Variants in AKAP6 observed in about 807,000 individuals in gnomAD.
AKAP6 encodes A-kinase anchoring protein 6.
Under a neutral mutation model 188.5 loss-of-function variants are expected in AKAP6, and 58 were observed. That is an observed-to-expected ratio of 0.31 (90% confidence interval 0.25 to 0.38). The LOEUF (loss-of-function observed/expected upper bound fraction) is 0.38, where lower values mean the gene tolerates loss of function less well. Ranked by LOEUF, AKAP6 falls within the 10% of genes least tolerant of loss-of-function variation. The probability of loss-of-function intolerance (pLI) is 1.00; values close to 1 mark genes in which losing one functional copy is unlikely to be tolerated. For missense variants in AKAP6, 2,710 were observed against 2,740.0 expected (o/e 0.99, Z 0.24); for synonymous variants, 989 against 998.6 (o/e 0.99, Z 0.18).
At chr14:32,355,807 C>A (rs1466048702) in intron 1 of AKAP6, among the ~76,000 whole-genome samples, 1 of 151,202 alleles carries the variant, frequency 6.6e-6, no homozygotes, top group Non-Finnish European at 1.5e-5. Context: ...CAAGTTCTTG[C>A]TCTGTCACCT....
chr14:32,559,765 T>C (rs1356882596), intron 4 of AKAP6, among the ~76,000 whole-genome samples: 2 of 150,966 alleles, frequency 1.3e-5, no homozygotes, highest in African/African-American at 2.4e-5. Context: ...GGTTGGGAGG[T>C]AGTCCTCTAA....
intron 7 of AKAP6, among the ~76,000 whole-genome samples, chr14:32,624,855 A>C (rs1171340472): frequency 1.3e-5 from 2 of 152,034 alleles, no homozygotes; most frequent in Non-Finnish European, 2.9e-5. Flanking sequence ...AGTCCTAATA[A>C]TTTTTTTGAA....
intron 2 of AKAP6, among the ~76,000 whole-genome samples, chr14:32,497,120 T>TGGATAAGCTATCATTA (rs1880360630): frequency 6.6e-6 from 1 of 152,164 alleles, no homozygotes; most frequent in African/African-American, 2.4e-5. Context: ...AAGTTCATCC[T>TGGATAAGCTATCATTA]CTGGATAGCT....
intron 1 of AKAP6, among the ~76,000 whole-genome samples, chr14:32,379,884 G>A (rs1182178626): frequency 1.3e-5 from 2 of 152,136 alleles, no homozygotes; most frequent in South Asian, 2.1e-4. Context: ...ATCAAACCCT[G>A]TCACATCTGC....
intron 2 of AKAP6, among the ~76,000 whole-genome samples, chr14:32,462,906 A>AT (rs1891381997): frequency 7.6e-6 from 1 of 131,756 alleles, no homozygotes; most frequent in South Asian, 2.5e-4. Context: ...GAAAGCAAAA[A>AT]AAAAAAAAAA....
At chr14:32,712,187 G>A (rs996973376) in intron 9 of AKAP6, among the ~76,000 whole-genome samples, 2 of 151,948 alleles carry the variant, frequency 1.3e-5, no homozygotes, top group Non-Finnish European at 2.9e-5. Flanking sequence ...TAAAAGTTGC[G>A]TTTACACTAT....
chr14:32,533,418 T>A (rs553424082), intron 2 of AKAP6, among the ~76,000 whole-genome samples: 5 of 152,222 alleles, frequency 3.3e-5, no homozygotes, highest in Non-Finnish European at 4.4e-5. Context: ...CTATAGTGTC[T>A]CAGGTGAGGA....
intron 9 of AKAP6, among the ~76,000 whole-genome samples, chr14:32,708,561 T>C (rs1200283510): frequency 1.3e-5 from 2 of 152,106 alleles, no homozygotes; most frequent in Non-Finnish European, 2.9e-5. Context: ...TGAAACTTTC[T>C]CCCACATTTT....
intron 2 of AKAP6, among the ~76,000 whole-genome samples, chr14:32,524,231 A>G (rs926244104): frequency 1.3e-5 from 2 of 152,116 alleles, no homozygotes; most frequent in East Asian, 3.9e-4. Flanking sequence ...TATTATATGC[A>G]GGTACTCTTG....
At chr14:32,617,877 T>G in intron 7 of AKAP6, among the ~76,000 whole-genome samples, 1 of 152,154 alleles carries the variant, frequency 6.6e-6, no homozygotes. Context: ...TCTGCCTGCC[T>G]CAGCCTCCCA....
At chr14:32,759,996 A>C (rs1320435674) in intron 11 of AKAP6, among the ~76,000 whole-genome samples, 1 of 152,226 alleles carries the variant, frequency 6.6e-6, no homozygotes, top group Admixed American at 6.5e-5. Flanking sequence ...CAACAATGGA[A>C]GTTACATTTT....
chr14:32,632,280 A>T (rs1333341934), intron 7 of AKAP6, among the ~76,000 whole-genome samples: 15 of 152,024 alleles, frequency 9.9e-5, no homozygotes, highest in Admixed American at 9.9e-4. Flanking sequence ...CTTGCTGTAT[A>T]GGGGGATCTT....
At chr14:32,609,407 C>T (rs78399766) in intron 7 of AKAP6, among the ~76,000 whole-genome samples, 2,657 of 152,254 alleles carry the variant, frequency 0.017, 70 homozygotes, top group African/African-American at 0.055. Context: ...AGTCTTAGCT[C>T]CCACTGTGCC....
At chr14:32,452,418 A>G (rs1034848659) in intron 2 of AKAP6, among the ~76,000 whole-genome samples, 1 of 152,164 alleles carries the variant, frequency 6.6e-6, no homozygotes, top group South Asian at 2.1e-4. Flanking sequence ...TCATGGATAT[A>G]TAGGTTGCTT....
intron 3 of AKAP6, among the ~76,000 whole-genome samples, chr14:32,539,780 C>G (rs561151442): frequency 1.1e-4 from 16 of 152,238 alleles, no homozygotes; most frequent in Admixed American, 2.6e-4. Context: ...TCATTACTTG[C>G]TCTTCTCATC....
At chr14:32,675,204 G>A (rs1889377119) in intron 7 of AKAP6, among the ~76,000 whole-genome samples, 1 of 152,082 alleles carries the variant, frequency 6.6e-6, no homozygotes, top group Admixed American at 6.6e-5. Flanking sequence ...CCATCCACTT[G>A]AATTGCTCTT....
rs2300853 is a variant in AKAP6 at position 32,803,292 on chromosome 14, C to G, written c.3589-18110C>G. Among the ~76,000 whole-genome samples the G allele has an allele frequency of 4.2e-4, 46 of 109,560 alleles. 2 individuals carry two copies. The highest frequency in any genetic ancestry group is 1.3e-3 in the African/African-American group (46 of 36,576). The allele number at this position is 109,560 out of a possible 152,430, so 71.9% of individuals were successfully genotyped here. On this transcript the variant is annotated intron_variant, in intron 12 of 13. Transcript: ENST00000280979. ...AACCCCGTCTCTATAAAAAAAAAAA[C>G]AAAACAAATATTTTTGATGCACAAA...
chr14:32,418,920 C>A (rs970512887), intron 1 of AKAP6, among the ~76,000 whole-genome samples: 1 of 152,028 alleles, frequency 6.6e-6, no homozygotes, highest in Non-Finnish European at 1.5e-5. Flanking sequence ...CTAGAAAATA[C>A]GCATTTTATG....
At chr14:32,354,264 T>C (rs533536025) in intron 1 of AKAP6, among the ~76,000 whole-genome samples, 5 of 147,580 alleles carry the variant, frequency 3.4e-5, no homozygotes, top group South Asian at 2.2e-4. Context: ...AACAGAGATA[T>C]AGATCAATGG....
Sources: allele counts gnomAD v4.1 joint callset (sites outside exome capture counted in the v4.1 genomes callset), GRCh38; gene constraint gnomAD v4.1.1; transcripts MANE v1.5; gene names NCBI Gene and HGNC (gene_info 2026-07-23, HGNC 2026-07-21).